OTUD3: variants seen among roughly 807,000 people sequenced by gnomAD.
The protein encoded by OTUD3 is OTU domain-containing protein 3.
In OTUD3, 24 loss-of-function variants were observed where a neutral mutation model predicts 46.2. The observed-to-expected ratio is 0.52, with a 90% CI of 0.38 to 0.73. OTUD3 has a LOEUF of 0.73. OTUD3 is among the 30% of genes least tolerant of loss of function. The pLI, the probability that OTUD3 is intolerant of heterozygous loss-of-function variation, is 0.00. For missense variants in OTUD3, 455 were observed against 523.3 expected (o/e 0.87, Z 1.27); for synonymous variants, 189 against 195.4 (o/e 0.97, Z 0.27).
chr1:19,906,046 T>C (rs2045657165), intron 6 of OTUD3, among the ~76,000 whole-genome samples: 2 of 152,234 alleles, frequency 1.3e-5, no homozygotes, highest in South Asian at 2.1e-4. Flanking sequence ...TTAATTTTAA[T>C]TTAAATGTAA....
intron 4 of OTUD3, among the ~76,000 whole-genome samples, chr1:19,902,271 C>T (rs2045600990): frequency 6.6e-6 from 1 of 152,180 alleles, no homozygotes; most frequent in Non-Finnish European, 1.5e-5. Flanking sequence ...GCGGCACGAT[C>T]GTGGCTCACT....
chr1:19,894,243 T>G (rs749849903), intron 2 of OTUD3, 125 bp from the exon 3 acceptor site: 1 of 564,890 alleles, frequency 1.8e-6, no homozygotes, highest in Non-Finnish European at 3.1e-6. Flanking sequence ...TCTGACAAAG[T>G]TAATGGACTT....
At position 19,910,188 on chromosome 1, in the gene OTUD3, C is replaced by G. The variant is rs896660294; in HGVS notation, c.*2442C>G. The G allele has an allele frequency of 4.6e-5, 7 of 152,304 alleles. No homozygotes were observed. Among genetic ancestry groups the G allele is most frequent in the Non-Finnish European group, 7.3e-5 (5 of 68,042 alleles). The allele number at this position is 152,304 out of a possible 1,614,324, so 9.4% of individuals were successfully genotyped here. On this transcript the variant is annotated 3_prime_UTR_variant, in exon 8 of 8. Transcript: ENST00000375120. ...ATGACTGTTGTCAGCAGCTGTTACT[C>G]TAGTACAGGTGCTCCTGTGAACTCT...
rs2045664127 is a variant in OTUD3, at chr1:19,906,586, AAAC to A, written c.993_995del (p.Asn331del). 5 of 1,612,608 alleles carry A rather than the reference AAAC, an allele frequency of 3.1e-6. No homozygotes were observed. The highest frequency in any genetic ancestry group is 4.2e-6 in the Non-Finnish European group (5 of 1,179,606). On this transcript the variant is annotated inframe_deletion, in exon 7 of 8. Transcript: ENST00000375120. ...AGGCACAGGCCAGCCCTAGTGAAGA[AAAC>A]AAAGCAAATAAAAACCAGCTCGCAA... is the stretch of plus-strand genomic sequence containing the variant.
chr1:19,903,040 C>CTTTTTTTTTTTTT (rs36114504), intron 4 of OTUD3, among the ~76,000 whole-genome samples: 2 of 58,052 alleles, frequency 3.4e-5, no homozygotes, highest in African/African-American at 7.1e-5. Context: ...AATCTTTTCT[C>CTTTTTTTTTTTTT]TTTTTTTTTT....
At chr1:19,902,653 G>T (rs983813451) in intron 4 of OTUD3, among the ~76,000 whole-genome samples, 2 of 152,038 alleles carry the variant, frequency 1.3e-5, no homozygotes, top group Non-Finnish European at 2.9e-5. Context: ...TTTTTGAGTT[G>T]TAAGAGTTTT....
chr1:19,893,246 A>G (rs1179707082), intron 2 of OTUD3, among the ~76,000 whole-genome samples: 1 of 152,132 alleles, frequency 6.6e-6, no homozygotes, highest in African/African-American at 2.4e-5. Context: ...TACCATCTAC[A>G]AGTTGGGGTC....
intron 1 of OTUD3, among the ~76,000 whole-genome samples, chr1:19,886,292 A>G (rs1557672986): frequency 1.3e-5 from 2 of 152,252 alleles, no homozygotes; most frequent in Non-Finnish European, 2.9e-5. Flanking sequence ...ATTACTCATT[A>G]GCAGTGTTCT....
chr1:19,886,216 C>T (rs1207282449), intron 1 of OTUD3, among the ~76,000 whole-genome samples: 4 of 151,924 alleles, frequency 2.6e-5, no homozygotes, highest in Non-Finnish European at 5.9e-5. Flanking sequence ...ATTTATTAGG[C>T]AGTACAATAT....
At chr1:19,897,482 C>A in intron 3 of OTUD3, 58 bp from the exon 4 acceptor site, 1 of 1,595,248 alleles carries the variant, frequency 6.3e-7, no homozygotes, top group South Asian at 1.1e-5. Context: ...GGGTGTTTCT[C>A]TCCAGAAGTT....
chr1:19,886,208 T>C (rs933060642), intron 1 of OTUD3, among the ~76,000 whole-genome samples: 7 of 152,162 alleles, frequency 4.6e-5, no homozygotes, highest in Non-Finnish European at 1.0e-4. Flanking sequence ...ATAACTCTAT[T>C]TATTAGGCAG....
At chr1:19,896,840 T>C (rs1161377372) in intron 3 of OTUD3, among the ~76,000 whole-genome samples, 2 of 152,182 alleles carry the variant, frequency 1.3e-5, no homozygotes, top group African/African-American at 4.8e-5. Context: ...TCTTGTGCTG[T>C]GTGTCAGGGG....
intron 1 of OTUD3, among the ~76,000 whole-genome samples, chr1:19,887,082 C>CTT (rs35763768): frequency 1.6e-4 from 22 of 133,480 alleles, no homozygotes; most frequent in South Asian, 1.4e-3. Context: ...TTTTCTTTTT[C>CTT]TTTTTTTTTT....
chr1:19,882,904 A>AGCCCCTC (rs1273896200), intron 1 of OTUD3, among the ~76,000 whole-genome samples, 170 bp downstream of exon 1: 2 of 152,224 alleles, frequency 1.3e-5, no homozygotes, highest in Non-Finnish European at 2.9e-5. Flanking sequence ...GAGGCGGACA[A>AGCCCCTC]GCCCCTCGCC....
chr1:19,902,714 AT>A, intron 4 of OTUD3, among the ~76,000 whole-genome samples: 1 of 152,114 alleles, frequency 6.6e-6, no homozygotes, highest in Non-Finnish European at 1.5e-5. Context: ...ATTTGCTGTA[AT>A]TTTTTTGGTT....
chr1:19,886,841 G>A (rs2045368388), intron 1 of OTUD3, among the ~76,000 whole-genome samples: 1 of 152,168 alleles, frequency 6.6e-6, no homozygotes, highest in African/African-American at 2.4e-5. Context: ...CTGCCCAGGG[G>A]ATGCTGATGC....
At position 19,907,665 on chromosome 1, in the gene OTUD3, C is replaced by T. The variant is rs1168173188; in HGVS notation, c.1116C>T (p.Ser372=). The T allele has an allele frequency of 6.2e-7, 1 of 1,614,206 alleles. No homozygotes were observed. The highest frequency in any genetic ancestry group is 8.5e-7 in the Non-Finnish European group (1 of 1,180,042). Residue 372 remains serine, a synonymous_variant, in exon 8 of 8, where the codon AGC becomes AGT. Coordinates refer to ENST00000375120, the MANE Select transcript of OTUD3 (RefSeq NM_015207.2). ...HRHKALESRG[S]HRDNNRSEAE... is the part of the protein sequence containing the mutation. The stretch of plus-strand genomic sequence containing the variant: ...ACAAAGCCCTGGAGAGCAGAGGTAG[C>T]CACAGGGACAATAACAGAAGCGAAG...
At position 19,897,542 on chromosome 1, in the gene OTUD3, T is replaced by G. The variant is rs371092366; in HGVS notation, c.486T>G (p.Ile162Met). The change falls in exon 4 of 8, where the codon ATT becomes ATG. Residue 162 changes from isoleucine to methionine, a missense_variant and splice_region_variant. Transcript: ENST00000375120. The stretch of plus-strand genomic sequence containing the variant: ...ATGGCCCCTTCTTTTGTCTACAGAT[T>G]CGTGGTACAGAGAAAAGCAGCGTGA... ...IHQLNAPLWQ[I>M]RGTEKSSVRE... The G allele has an allele frequency of 2.5e-6, 4 of 1,613,904 alleles. No individual in the cohort carries two copies. The highest frequency in any genetic ancestry group is 2.2e-5 in the East Asian group (1 of 44,872).
chr1:19,901,303 A>C (rs1163437308), intron 4 of OTUD3, among the ~76,000 whole-genome samples: 1 of 152,196 alleles, frequency 6.6e-6, no homozygotes, highest in East Asian at 1.9e-4. Context: ...TTTATTATTT[A>C]ATTGACTTTG....
Sources: allele counts gnomAD v4.1 joint callset (sites outside exome capture counted in the v4.1 genomes callset), GRCh38; gene constraint gnomAD v4.1.1; transcripts MANE v1.5; gene names NCBI Gene and HGNC (gene_info 2026-07-23, HGNC 2026-07-21).